The following CPPED1 variants were observed in gnomAD, a reference collection of about 807,000 sequenced individuals.
CPPED1 encodes the protein calcineurin like phosphoesterase domain containing 1.
Under a neutral mutation model 28.0 loss-of-function variants are expected in CPPED1, and 28 were observed. The observed-to-expected ratio is 1.00, with a 90% CI of 0.74 to 1.37. The LOEUF (loss-of-function observed/expected upper bound fraction) is 1.37. Ranked by LOEUF, CPPED1 falls within the 40% of genes most tolerant of loss-of-function variation. The probability of loss-of-function intolerance (pLI) is 0.00; values close to 1 mark genes in which losing one functional copy is unlikely to be tolerated. For synonymous variants in CPPED1, 198 were observed against 180.2 expected, an observed-to-expected ratio of 1.10 and a Z score of -0.79; for missense variants, 504 against 416.5, an observed-to-expected ratio of 1.21 and a Z score of -1.83.
At chr16:12,759,276 C>T (rs2080393765) in intron 2 of CPPED1, 1 of 152,112 alleles carries the variant, frequency 6.6e-6, no homozygotes, top group Non-Finnish European at 1.5e-5. Flanking sequence ...AACGCAAGCC[C>T]AGGCACAGAG....
At chr16:12,778,396 C>T (rs750558192) in intron 2 of CPPED1, among the ~76,000 whole-genome samples, 1 of 151,720 alleles carries the variant, frequency 6.6e-6, no homozygotes, top group Non-Finnish European at 1.5e-5. Flanking sequence ...CTGCCTCAGC[C>T]CCCCAGAGTA....
At chr16:12,724,003 C>T (rs1388154289) in intron 2 of CPPED1, among the ~76,000 whole-genome samples, 1 of 152,166 alleles carries the variant, frequency 6.6e-6, no homozygotes, top group Non-Finnish European at 1.5e-5. Context: ...AAACGTCTCT[C>T]AAGCCCTTCA....
intron 2 of CPPED1, among the ~76,000 whole-genome samples, chr16:12,730,065 T>C (rs1260676088): frequency 6.6e-6 from 1 of 152,160 alleles, no homozygotes; most frequent in African/African-American, 2.4e-5. Flanking sequence ...CCTTGCTATG[T>C]TGCCCAGGCT....
Position 12,688,081 on chromosome 16 carries a change from C to G in CPPED1, c.715+16543G>C, listed in dbSNP as rs2079942594. Among the ~76,000 whole-genome samples the G allele has an allele frequency of 2.0e-5, 3 of 151,014 alleles. No individual in the cohort carries two copies. The Admixed American group carries it at 2.0e-4, about 10-fold the overall frequency. ...GTCTTACTCTGTCTCCCAGGCTACACTGCAGTGGTGCGATCATGGTTTACT... is the reference window on the plus strand; with the variant it reads ...GTCTTACTCTGTCTCCCAGGCTACAGTGCAGTGGTGCGATCATGGTTTACT... On this transcript the variant is annotated intron_variant, in intron 3 of 3. Coordinates refer to ENST00000381774, the MANE Select transcript of CPPED1 (RefSeq NM_018340.3).
chr16:12,756,474 C>A (rs1211427980), intron 2 of CPPED1, among the ~76,000 whole-genome samples: 1 of 152,060 alleles, frequency 6.6e-6, no homozygotes, highest in Non-Finnish European at 1.5e-5. Context: ...GAGGGAGGAC[C>A]ACTTGAGGTC....
In CPPED1 at chr16:12,780,997, G is replaced by A. The variant is rs1037511227; in HGVS notation, c.289+188C>T. 33 of 592,312 alleles carry A rather than the reference G, an allele frequency of 5.6e-5. 1 individual carries two copies. Among genetic ancestry groups the A allele is most frequent in the South Asian group, 3.5e-4 (17 of 49,074 alleles). The allele number at this position is 592,312 out of a possible 1,614,324, so 36.7% of individuals were successfully genotyped here. A position where few individuals can be genotyped will look rare whatever the true frequency, so the allele number is the denominator to read the frequency against. On this transcript the variant is annotated intron_variant, in intron 2 of 3. Coordinates refer to ENST00000381774, the MANE Select transcript of CPPED1 (RefSeq NM_018340.3). The stretch of plus-strand genomic sequence containing the variant: ...GTGCCTAATTACTGTGATTAATCTC[G>A]CCAAACTCTAAATATAACATGAGTG...
intron 3 of CPPED1, among the ~76,000 whole-genome samples, chr16:12,679,137 C>T (rs1391847561): frequency 6.6e-6 from 1 of 152,116 alleles, no homozygotes; most frequent in Non-Finnish European, 1.5e-5. Context: ...CTCAGGAGGA[C>T]CTAAAGTAAA....
At chr16:12,747,556 G>A (rs2080298293) in intron 2 of CPPED1, among the ~76,000 whole-genome samples, 1 of 151,920 alleles carries the variant, frequency 6.6e-6, no homozygotes, top group African/African-American at 2.4e-5. Context: ...CACCTGAATA[G>A]CCTTGTAGCT....
At chr16:12,769,612 C>G (rs1253679367) in intron 2 of CPPED1, among the ~76,000 whole-genome samples, 1 of 152,152 alleles carries the variant, frequency 6.6e-6, no homozygotes, top group Non-Finnish European at 1.5e-5. Flanking sequence ...TCAGCCTCAG[C>G]AGAAGGGCGG....
At chr16:12,696,153 T>C (rs2079988991) in intron 3 of CPPED1, among the ~76,000 whole-genome samples, 1 of 152,180 alleles carries the variant, frequency 6.6e-6, no homozygotes, top group Non-Finnish European at 1.5e-5. Flanking sequence ...TCCTATAGTT[T>C]GCATTTTGAA....
intron 2 of CPPED1, among the ~76,000 whole-genome samples, chr16:12,744,444 C>A (rs995797361): frequency 6.6e-6 from 1 of 152,186 alleles, no homozygotes; most frequent in Middle Eastern, 3.2e-3. Flanking sequence ...GGTTTACCCT[C>A]CTGCCTGGAA....
chr16:12,789,627 G>A (rs1181691151), intron 1 of CPPED1, among the ~76,000 whole-genome samples: 1 of 152,154 alleles, frequency 6.6e-6, no homozygotes, highest in Non-Finnish European at 1.5e-5. Flanking sequence ...CCGGGCTCAA[G>A]TGATCCTCCC....
chr16:12,750,977 AAAAC>A (rs1021190379), intron 2 of CPPED1, among the ~76,000 whole-genome samples: 13 of 152,248 alleles, frequency 8.5e-5, no homozygotes, highest in Admixed American at 2.0e-4. Context: ...CAAAAAAGGA[AAAAC>A]AAACAAACAA....
chr16:12,666,283 G>C (rs957676344), intron 3 of CPPED1, among the ~76,000 whole-genome samples: 1 of 152,126 alleles, frequency 6.6e-6, no homozygotes, highest in African/African-American at 2.4e-5. Context: ...AGCTCTACAG[G>C]CCAGACACAA....
chr16:12,803,617 C>T, intron 1 of CPPED1, 90 bp downstream of exon 1: 2 of 1,151,718 alleles, frequency 1.7e-6, no homozygotes, highest in Non-Finnish European at 2.3e-6. Flanking sequence ...TGGTGTCCGA[C>T]TGGCGGAGCG....
intron 2 of CPPED1, among the ~76,000 whole-genome samples, chr16:12,762,545 A>G (rs1036347439): frequency 4.6e-5 from 7 of 152,212 alleles, no homozygotes; most frequent in African/African-American, 1.7e-4. Context: ...ACATGGATAA[A>G]CCCTGAAAAC....
Position 12,662,660 on chromosome 16 carries a change from C to G in CPPED1, c.*2226G>C, listed in dbSNP as rs1038988713. 6.6e-6 allele frequency: 1 copy of G among 152,240 alleles called. No individual in the cohort carries two copies. 9.4% of individuals were successfully genotyped at this position (152,240 alleles called of 1,614,324 possible). ...GACTTTCTACTTCTAAGTTATTTCA[C>G]TTAAGATAACAGCCTCCAGTTCCAT... On this transcript the variant is annotated 3_prime_UTR_variant, in exon 4 of 4. Coordinates refer to ENST00000381774, the MANE Select transcript of CPPED1 (RefSeq NM_018340.3).
chr16:12,747,812 C>T (rs2080300510), intron 2 of CPPED1, among the ~76,000 whole-genome samples: 2 of 152,210 alleles, frequency 1.3e-5, no homozygotes, highest in South Asian at 2.1e-4. Flanking sequence ...AAATTGCACA[C>T]TTCAAACGTG....
At chr16:12,689,303 T>C (rs1404456293) in intron 3 of CPPED1, among the ~76,000 whole-genome samples, 3 of 149,868 alleles carry the variant, frequency 2.0e-5, no homozygotes, top group South Asian at 2.2e-4. Flanking sequence ...CTTGGCTCAT[T>C]GCAACCTCGA....
Sources: allele counts gnomAD v4.1 joint callset (sites outside exome capture counted in the v4.1 genomes callset), GRCh38; gene constraint gnomAD v4.1.1; transcripts MANE v1.5; gene names NCBI Gene and HGNC (gene_info 2026-07-23, HGNC 2026-07-21).